Variants in BCL2L11 observed in about 807,000 individuals in gnomAD.
The protein encoded by BCL2L11 is BCL2 like 11, also known as bcl-2-like protein 11.
Under a neutral mutation model 20.6 loss-of-function variants are expected in BCL2L11, and 15 were observed. That is an observed-to-expected ratio of 0.73 (90% CI 0.49 to 1.12). The LOEUF (loss-of-function observed/expected upper bound fraction) is 1.12, where lower values mean the gene tolerates loss of function less well. BCL2L11 is among the 50% of genes most tolerant of loss of function. The probability of loss-of-function intolerance (pLI) is 0.00; values close to 1 mark genes in which losing one functional copy is unlikely to be tolerated. For synonymous variants in BCL2L11, 108 were observed against 92.8 expected, an observed-to-expected ratio of 1.16 and a Z score of -0.94; for missense variants, 292 against 260.9, an observed-to-expected ratio of 1.12 and a Z score of -0.82.
intron 2 of BCL2L11, among the ~76,000 whole-genome samples, chr2:111,125,197 A>G (rs1190587042): frequency 6.6e-6 from 1 of 152,230 alleles, no homozygotes; most frequent in African/African-American, 2.4e-5. Context: ...CCCTGTTTCA[A>G]CATTGACAGC....
rs1393972207 is a variant in BCL2L11, at chr2:111,168,264, GT to G, written c.*4037del. On this transcript the variant is annotated 3_prime_UTR_variant, in exon 4 of 4. Transcript: ENST00000393256. Reference sequence around the variant, plus strand: ...CTGTATACTGATCCATCACTAACCTGTTTTCTAGGACCCAGCGTATGTAGCA... The same window carrying G: ...CTGTATACTGATCCATCACTAACCTGTTTCTAGGACCCAGCGTATGTAGCA... The G allele has an allele frequency of 6.6e-6, 1 of 152,608 alleles. No homozygotes were observed. The highest frequency in any genetic ancestry group is 2.4e-5 in the African/African-American group (1 of 41,440). The allele number at this position is 152,608 out of a possible 1,614,324, so 9.5% of individuals were successfully genotyped here.
intron 3 of BCL2L11, among the ~76,000 whole-genome samples, chr2:111,157,344 A>G (rs1374271037): frequency 6.6e-6 from 1 of 152,238 alleles, no homozygotes. Flanking sequence ...AGCTTCTCAT[A>G]TCATCCTTCA....
In BCL2L11 at chr2:111,123,158, G is replaced by A. The variant is rs564214198; in HGVS notation, c.-13-575G>A. The A allele has an allele frequency of 3.6e-5, 35 of 985,462 alleles. No homozygotes were observed. In the African/African-American group the frequency reaches 4.9e-4, roughly 14 times the overall value. The allele number at this position is 985,462 out of a possible 1,614,324, so 61.0% of individuals were successfully genotyped here. A position where few individuals can be genotyped will look rare whatever the true frequency, so the allele number is the denominator to read the frequency against. On this transcript the variant is annotated intron_variant, in intron 1 of 3. Coordinates refer to ENST00000393256, the MANE Select transcript of BCL2L11 (RefSeq NM_138621.5). Reference sequence around the variant, plus strand: ...ACGGGAGCGGGAGGGAGGGAGCACGGGCGGAGAGAGCGCCAGAGCCGGGCC... The same window carrying A: ...ACGGGAGCGGGAGGGAGGGAGCACGAGCGGAGAGAGCGCCAGAGCCGGGCC...
In BCL2L11 at chr2:111,166,714, C is replaced by A. The variant is rs558432096; in HGVS notation, c.*2483C>A. ...GCAATAAACACACACAAAATAGTTT[C>A]ATGAGTGATTCTTCAGATGCCCTTC... On this transcript the variant is annotated 3_prime_UTR_variant, in exon 4 of 4. Coordinates refer to ENST00000393256, the MANE Select transcript of BCL2L11 (RefSeq NM_138621.5). The A allele has an allele frequency of 1.3e-5, 2 of 152,720 alleles. No homozygotes were observed. The highest frequency in any genetic ancestry group is 3.9e-4 in the East Asian group (2 of 5,186). The allele number at this position is 152,720 out of a possible 1,614,324, so 9.5% of individuals were successfully genotyped here. A position where few individuals can be genotyped will look rare whatever the true frequency, so the allele number is the denominator to read the frequency against.
At chr2:111,155,994 A>G (rs1289848638) in intron 3 of BCL2L11, among the ~76,000 whole-genome samples, 1 of 152,222 alleles carries the variant, frequency 6.6e-6, no homozygotes, top group East Asian at 1.9e-4. Flanking sequence ...TGTGCTCTGT[A>G]TGAATTTGAA....
intron 2 of BCL2L11, among the ~76,000 whole-genome samples, chr2:111,134,266 C>T (rs1009726698): frequency 6.6e-6 from 1 of 151,856 alleles, no homozygotes; most frequent in African/African-American, 2.4e-5. Flanking sequence ...GTTATACGAA[C>T]ATTTTCTAGG....
chr2:111,128,625 A>G (rs867501874), intron 2 of BCL2L11: 3 of 1,481,216 alleles, frequency 2.0e-6, no homozygotes, highest in Non-Finnish European at 1.8e-6. Flanking sequence ...TTTTTTTAAC[A>G]GTAGTCATCC....
intron 2 of BCL2L11, chr2:111,146,034 T>A (rs1325197044): frequency 1.0e-6 from 1 of 984,984 alleles, no homozygotes; most frequent in East Asian, 1.1e-4. Context: ...TGCTGCAGAT[T>A]ACAGCTTTGA....
chr2:111,128,839 A>G (rs939189156), intron 2 of BCL2L11: 1 of 1,437,998 alleles, frequency 7.0e-7, no homozygotes, highest in Non-Finnish European at 9.1e-7. Context: ...ATGTATTTTA[A>G]TATTGACTTT....
intron 2 of BCL2L11, among the ~76,000 whole-genome samples, chr2:111,148,708 G>A (rs565431751): frequency 6.6e-6 from 1 of 152,268 alleles, no homozygotes; most frequent in Non-Finnish European, 1.5e-5. Flanking sequence ...GGAGGGGATC[G>A]GTGTGTGTCC....
chr2:111,139,447 A>T (rs150635513), intron 2 of BCL2L11, among the ~76,000 whole-genome samples: 29 of 152,368 alleles, frequency 1.9e-4, no homozygotes, highest in African/African-American at 6.3e-4. Context: ...AATAAGGGAT[A>T]CATTGGTTGC....
chr2:111,138,012 C>CT (rs66601807), intron 2 of BCL2L11, among the ~76,000 whole-genome samples: 2,694 of 127,098 alleles, frequency 0.021, 97 homozygotes, highest in African/African-American at 0.061. Context: ...TTCTTTCTTT[C>CT]TTTTTTTTTT....
intron 3 of BCL2L11, among the ~76,000 whole-genome samples, chr2:111,159,977 A>G (rs1288963163): frequency 2.0e-5 from 3 of 152,280 alleles, no homozygotes; most frequent in Non-Finnish European, 2.9e-5. Context: ...TTGTAGACAC[A>G]TAATCCTATG....
At position 111,165,292 on chromosome 2, in the gene BCL2L11, C is replaced by T. The variant is rs1010876650; in HGVS notation, c.*1061C>T. On this transcript the variant is annotated 3_prime_UTR_variant, in exon 4 of 4. Coordinates refer to ENST00000393256, the MANE Select transcript of BCL2L11 (RefSeq NM_138621.5). ...TCAGCATCAGGTCCCAGAGGGCCAC[C>T]GTGTCCATTACAGCAGAGTCCAGCT... 6.6e-6 allele frequency: 1 copy of T among 152,286 alleles called. No individual in the cohort carries two copies. Among genetic ancestry groups the T allele is most frequent in the African/African-American group, 2.4e-5 (1 of 41,454 alleles). 9.4% of individuals were successfully genotyped at this position (152,286 alleles called of 1,614,324 possible). A position where few individuals can be genotyped will look rare whatever the true frequency, so the allele number is the denominator to read the frequency against.
intron 1 of BCL2L11, among the ~76,000 whole-genome samples, chr2:111,121,718 A>ATT (rs1225948440): frequency 6.6e-6 from 1 of 152,122 alleles, no homozygotes; most frequent in Non-Finnish European, 1.5e-5. Flanking sequence ...CCTTTTACTC[A>ATT]TTCAGGCCAA....
rs565420761 is a variant in BCL2L11 at position 111,142,434 on chromosome 2, C to A, written c.395-7610C>A. The A allele has an allele frequency of 1.4e-4, 203 of 1,469,328 alleles. No homozygotes were observed. In the African/African-American group the frequency reaches 2.7e-3, roughly 20 times the overall value. 91.0% of individuals were successfully genotyped at this position (1,469,328 alleles called of 1,614,324 possible). ...TTATTCAAAATGGGATAAAAAGAAG[C>A]AGCTGCCTTTTGTGACTTTTAAGTG... On this transcript the variant is annotated intron_variant, in intron 2 of 3. Transcript: ENST00000393256.
chr2:111,148,967 C>T (rs1225047758), intron 2 of BCL2L11, among the ~76,000 whole-genome samples: 1 of 152,168 alleles, frequency 6.6e-6, no homozygotes, highest in Admixed American at 6.5e-5. Context: ...TGGCAAAATC[C>T]TATTATCGTA....
chr2:111,141,981 G>A (rs1298012261), intron 2 of BCL2L11, among the ~76,000 whole-genome samples: 1 of 152,154 alleles, frequency 6.6e-6, no homozygotes, highest in African/African-American at 2.4e-5. Context: ...GATTACAGGC[G>A]TGAGCCACTG....
intron 2 of BCL2L11, among the ~76,000 whole-genome samples, chr2:111,141,120 G>A (rs2075728928): frequency 6.6e-6 from 1 of 152,242 alleles, no homozygotes; most frequent in African/African-American, 2.4e-5. Context: ...GGAAATCTCA[G>A]TGTTAGGGCC....
Sources: allele counts gnomAD v4.1 joint callset (sites outside exome capture counted in the v4.1 genomes callset), GRCh38; gene constraint gnomAD v4.1.1; transcripts MANE v1.5; gene names NCBI Gene and HGNC (gene_info 2026-07-23, HGNC 2026-07-21).